PTPN2: variants seen among roughly 807,000 people sequenced by gnomAD.
PTPN2 encodes the protein tyrosine-protein phosphatase non-receptor type 2.
A neutral mutation model predicts 57.3 loss-of-function variants in PTPN2; 19 were observed. That is an observed-to-expected ratio of 0.33 (90% CI 0.23 to 0.49). The LOEUF (loss-of-function observed/expected upper bound fraction) is 0.49. Ranked by LOEUF, PTPN2 falls within the 20% of genes least tolerant of loss-of-function variation. The probability of loss-of-function intolerance (pLI) is 0.99; values close to 1 mark genes in which losing one functional copy is unlikely to be tolerated. For synonymous variants in PTPN2, 153 were observed against 164.9 expected (o/e 0.93, Z 0.55); for missense variants, 358 against 501.1 (o/e 0.71, Z 2.73).
intron 4 of PTPN2, among the ~76,000 whole-genome samples, chr18:12,827,985 T>C (rs1017628443): frequency 2.0e-5 from 3 of 152,180 alleles, no homozygotes; most frequent in African/African-American, 7.2e-5. Context: ...AGACATATTT[T>C]TGGTAAAACT....
rs149839412 is a variant in PTPN2 at position 12,821,720 on chromosome 18, G to A, written c.495+4090C>T. Reference sequence around the variant, plus strand: ...ACCTATTAGAGAAGTCTGTCTGTTAGCACGAACAAATCCTGGATACCCGAA... The same window carrying A: ...ACCTATTAGAGAAGTCTGTCTGTTAACACGAACAAATCCTGGATACCCGAA... On this transcript the variant is annotated intron_variant, in intron 5 of 8. Coordinates refer to ENST00000309660, the MANE Select transcript of PTPN2 (RefSeq NM_002828.4). Among the ~76,000 whole-genome samples, 702 of 152,188 alleles carry A rather than the reference G, an allele frequency of 4.6e-3. 8 individuals are homozygous for A. Among genetic ancestry groups the A allele is most frequent in the Admixed American group, 0.03 (451 of 15,286 alleles).
intron 5 of PTPN2, among the ~76,000 whole-genome samples, chr18:12,819,820 T>TGGGGTGGGGAAGGGGGGGGG (rs2042211665): frequency 1.1e-5 from 1 of 91,962 alleles, no homozygotes; most frequent in African/African-American, 6.1e-5. Flanking sequence ...CAGCGGGGGG[T>TGGGGTGGGGAAGGGGGGGGG]GGGGGGGATA....
chr18:12,845,296 T>TA (rs1196551703), intron 2 of PTPN2, among the ~76,000 whole-genome samples: 16 of 152,208 alleles, frequency 1.1e-4, no homozygotes, highest in Non-Finnish European at 2.1e-4. Context: ...TTCACTATGC[T>TA]AAGTCTTCCA....
chr18:12,874,268 C>A (rs1200718349), intron 1 of PTPN2, among the ~76,000 whole-genome samples: 6 of 146,350 alleles, frequency 4.1e-5, no homozygotes, highest in South Asian at 2.2e-4. Context: ...TTCAGCCCCC[C>A]GCCCGGCCAG....
At chr18:12,794,772 C>T (rs1438430586) in intron 8 of PTPN2, among the ~76,000 whole-genome samples, 2 of 152,134 alleles carry the variant, frequency 1.3e-5, no homozygotes, top group Non-Finnish European at 1.5e-5. Context: ...CAGGCGTGCA[C>T]CACTATGCCC....
At chr18:12,797,826 G>C (rs1193116853) in intron 8 of PTPN2, among the ~76,000 whole-genome samples, 2 of 152,046 alleles carry the variant, frequency 1.3e-5, no homozygotes, top group Non-Finnish European at 2.9e-5. Flanking sequence ...TCAACCTCTT[G>C]GGCTCAAGCA....
chr18:12,796,353 T>C lies in PTPN2; in HGVS notation c.1041-1868A>G, dbSNP rs553645417. ...TATTAAAAGTCACTGAATTGTATACTTTAAATGAGTAAACTTTATGCTATA... is the reference window on the plus strand; with the variant it reads ...TATTAAAAGTCACTGAATTGTATACCTTAAATGAGTAAACTTTATGCTATA... On this transcript the variant is annotated intron_variant, in intron 8 of 8. Transcript: ENST00000309660. Among the ~76,000 whole-genome samples, 14 of 152,350 alleles carry C rather than the reference T, an allele frequency of 9.2e-5. 1 individual carries two copies. In the Middle Eastern group the frequency reaches 0.017, roughly 185 times the overall value.
chr18:12,835,382 C>CTTT (rs60239177), intron 3 of PTPN2, among the ~76,000 whole-genome samples: 11 of 99,030 alleles, frequency 1.1e-4, no homozygotes, highest in African/African-American at 2.1e-4. Context: ...TCACATATGT[C>CTTT]TTTTTTTTTT....
At position 12,793,641 on chromosome 18, in the gene PTPN2, T is replaced by C. The variant is rs2041053019; in HGVS notation, c.*637A>G. 1.0e-6 allele frequency: 1 copy of C among 983,140 alleles called. No homozygotes were observed. Among genetic ancestry groups the C allele is most frequent in the Admixed American group, 6.1e-5 (1 of 16,294 alleles). 60.9% of individuals were successfully genotyped at this position (983,140 alleles called of 1,614,324 possible). Reference sequence around the variant, plus strand: ...TTATTCCAACTTCTAACTGCTCATATCAAACTTCTCTTTAGAAAAATGGAA... The same window carrying C: ...TTATTCCAACTTCTAACTGCTCATACCAAACTTCTCTTTAGAAAAATGGAA... On this transcript the variant is annotated 3_prime_UTR_variant, in exon 9 of 9. Coordinates refer to ENST00000309660, the MANE Select transcript of PTPN2 (RefSeq NM_002828.4).
At chr18:12,828,856 A>G (rs990337072) in intron 4 of PTPN2, among the ~76,000 whole-genome samples, 3 of 152,174 alleles carry the variant, frequency 2.0e-5, no homozygotes. Context: ...CTGGGCAGCA[A>G]GAGTTTGAGA....
At chr18:12,815,085 AAAATAAATAAAT>A (rs199758431) in intron 6 of PTPN2, among the ~76,000 whole-genome samples, 3,492 of 137,166 alleles carry the variant, frequency 0.025, 162 homozygotes, top group African/African-American at 0.088. Context: ...CTCCATCTCA[AAAATAAATAAAT>A]AAATAAATAA....
intron 8 of PTPN2, among the ~76,000 whole-genome samples, chr18:12,795,850 A>T (rs2542167): frequency 0.29 from 43,986 of 151,926 alleles, 7,440 homozygotes; most frequent in Admixed American, 0.4. Context: ...GCAAAGGCCT[A>T]ACCAGCTTCC....
intron 2 of PTPN2, among the ~76,000 whole-genome samples, chr18:12,845,326 C>A (rs2043175972): frequency 6.6e-6 from 1 of 152,018 alleles, no homozygotes; most frequent in South Asian, 2.1e-4. Flanking sequence ...CATGGTAGGC[C>A]TTTTTCATTT....
chr18:12,874,537 G>A (rs2044410688), intron 1 of PTPN2, among the ~76,000 whole-genome samples: 1 of 118,018 alleles, frequency 8.5e-6, no homozygotes, highest in East Asian at 3.0e-4. Context: ...GGAAGGTGGG[G>A]GGGGGTCAGC....
chr18:12,798,124 A>G (rs1482086317), intron 8 of PTPN2, among the ~76,000 whole-genome samples: 1 of 152,178 alleles, frequency 6.6e-6, no homozygotes, highest in Non-Finnish European at 1.5e-5. Flanking sequence ...TCAGACTGCA[A>G]CCTACAGTAA....
chr18:12,805,639 CTTTT>C lies in PTPN2; in HGVS notation c.859-3492_859-3489del, dbSNP rs755422217. ...GGAACAAGACAAAGATGCCTCCTTT[CTTTT>C]TTTTTTTTTTTTTTGAGATGGAGTC... On this transcript the variant is annotated intron_variant, in intron 7 of 8. Transcript: ENST00000309660. Among the ~76,000 whole-genome samples the C allele has an allele frequency of 1.6e-4, 18 of 114,128 alleles. 1 individual carries two copies. The highest frequency in any genetic ancestry group is 5.2e-4 in the African/African-American group (18 of 34,448). The allele number at this position is 114,128 out of a possible 152,430, so 74.9% of individuals were successfully genotyped here.
intron 5 of PTPN2, among the ~76,000 whole-genome samples, chr18:12,818,539 T>C (rs2042157583): frequency 6.6e-6 from 1 of 152,204 alleles, no homozygotes; most frequent in Non-Finnish European, 1.5e-5. Context: ...CCTTAGCTTT[T>C]TGCCAATTGC....
chr18:12,835,468 C>T lies in PTPN2; in HGVS notation c.261+1323G>A, dbSNP rs186224110. Among the ~76,000 whole-genome samples, 4 of 148,832 alleles carry T rather than the reference C, an allele frequency of 2.7e-5. No homozygotes were observed. In the East Asian group the frequency reaches 6.0e-4, roughly 22 times the overall value. On this transcript the variant is annotated intron_variant, in intron 3 of 8. Transcript: ENST00000309660. ...TTGCCTCACTGCCACCTCCACCTCC[C>T]GGGTTCAAGCGATTCTCCTGCCTCA... is the stretch of plus-strand genomic sequence containing the variant.
At chr18:12,860,279 ACT>A (rs1365471622) in intron 1 of PTPN2, among the ~76,000 whole-genome samples, 2 of 148,040 alleles carry the variant, frequency 1.4e-5, no homozygotes, top group Non-Finnish European at 3.0e-5. Context: ...ACAGAGTGAG[ACT>A]CTATAAAAAA....
Sources: gnomAD v4.1 joint callset for allele counts (sites outside exome capture counted in the v4.1 genomes callset) on GRCh38, gnomAD v4.1.1 for gene constraint, MANE v1.5 for transcripts, NCBI Gene and HGNC (gene_info 2026-07-23, HGNC 2026-07-21) for gene names.